Variants in WWC1 observed in about 807,000 individuals in gnomAD.
WWC1 encodes WW and C2 domain containing 1, also known as protein KIBRA.
Under a neutral mutation model 138.4 loss-of-function variants are expected in WWC1, and 55 were observed. The ratio of observed to expected loss-of-function variants is 0.40; its 90% CI spans 0.32 to 0.50. The LOEUF is 0.50. Ranked by LOEUF, WWC1 falls within the 20% of genes least tolerant of loss-of-function variation. The pLI is 0.72. For missense variants in WWC1, 1,226 were observed against 1,420.4 expected, an observed-to-expected ratio of 0.86 and a Z score of 2.20; for synonymous variants, 524 against 564.9, an observed-to-expected ratio of 0.93 and a Z score of 1.03.
chr5:168,379,478 C>A (rs1051137429), intron 2 of WWC1, among the ~76,000 whole-genome samples: 1 of 152,152 alleles, frequency 6.6e-6, no homozygotes, highest in Admixed American at 6.5e-5. Context: ...TGGCTCACTG[C>A]AACCTCTGCC....
At chr5:168,467,639 G>A (rs996991406) in intron 21 of WWC1, 14 of 721,398 alleles carry the variant, frequency 1.9e-5, no homozygotes, top group East Asian at 8.8e-5. Flanking sequence ...CAGTTATTCC[G>A]TTTCCTGGCC....
At chr5:168,365,154 C>T (rs1172173256) in intron 1 of WWC1, among the ~76,000 whole-genome samples, 1 of 152,166 alleles carries the variant, frequency 6.6e-6, no homozygotes, top group African/African-American at 2.4e-5. Flanking sequence ...GCAGCAGCCC[C>T]AGGTGAAGGA....
chr5:168,362,555 G>A (rs903088641), intron 1 of WWC1, among the ~76,000 whole-genome samples: 2 of 152,198 alleles, frequency 1.3e-5, no homozygotes, highest in Non-Finnish European at 2.9e-5. Context: ...TTAAAATATA[G>A]CACTGTAGTA....
chr5:168,364,072 A>G (rs530983408), intron 1 of WWC1, among the ~76,000 whole-genome samples: 1 of 152,126 alleles, frequency 6.6e-6, no homozygotes, highest in Non-Finnish European at 1.5e-5. Context: ...CAGTCCCGGC[A>G]CTAGATACTG....
chr5:168,434,880 C>T lies in WWC1; in HGVS notation c.2280+3436C>T, dbSNP rs143683387. ...TAGCCTGCTTCTCAGGCCCCACTGA[C>T]GTCCCATGGTTCACCATTACAACCG... On this transcript the variant is annotated intron_variant, in intron 15 of 22. Transcript: ENST00000265293. 4.6e-5 allele frequency among the ~76,000 whole-genome samples: 7 copies of T among 152,310 alleles called. No individual in the cohort carries two copies. In the East Asian group the frequency reaches 7.7e-4, roughly 17 times the overall value.
At chr5:168,436,390 T>A (rs1401962119) in intron 15 of WWC1, among the ~76,000 whole-genome samples, 2 of 152,044 alleles carry the variant, frequency 1.3e-5, no homozygotes, top group African/African-American at 4.8e-5. Context: ...TTCCCTGACC[T>A]CCCTATATCA....
At chr5:168,367,474 GGC>G (rs1296098326) in intron 1 of WWC1, among the ~76,000 whole-genome samples, 3 of 150,244 alleles carry the variant, frequency 2.0e-5, no homozygotes, top group Non-Finnish European at 4.4e-5. Context: ...TGGGACTACA[GGC>G]GCCCGCCACT....
At chr5:168,340,014 T>TCTCTTTCTCTC (rs1561631241) in intron 1 of WWC1, among the ~76,000 whole-genome samples, 1 of 39,556 alleles carries the variant, frequency 2.5e-5, no homozygotes, top group Non-Finnish European at 9.8e-5. Context: ...TCTTTCTTTC[T>TCTCTTTCTCTC]TTTCTTTCTT....
In WWC1 at chr5:168,449,871, G is replaced by A. The variant is rs542767080; in HGVS notation, c.2526-4097G>A. ...ATTACAGGCATGAGCCACCGCACCC[G>A]CCAACAGCTCTTTTATTTGTAGATA... On this transcript the variant is annotated intron_variant, in intron 17 of 22. Transcript: ENST00000265293. Among the ~76,000 whole-genome samples, 6 of 152,204 alleles carry A rather than the reference G, an allele frequency of 3.9e-5. No individual in the cohort carries two copies. In the South Asian group the frequency reaches 6.2e-4, roughly 16 times the overall value.
intron 9 of WWC1, among the ~76,000 whole-genome samples, chr5:168,420,401 C>G (rs1402591494): frequency 6.6e-6 from 1 of 152,134 alleles, no homozygotes; most frequent in East Asian, 1.9e-4. Flanking sequence ...TTAGAGTCTG[C>G]CCTACTGACC....
intron 15 of WWC1, among the ~76,000 whole-genome samples, chr5:168,434,337 TGGA>T (rs544482411): frequency 7.1e-4 from 105 of 147,912 alleles, no homozygotes; most frequent in Non-Finnish European, 8.9e-4. Flanking sequence ...TTCTGGTGGC[TGGA>T]GGAGGAGAGG....
intron 20 of WWC1, among the ~76,000 whole-genome samples, chr5:168,462,041 G>GT (rs1756861702): frequency 6.7e-6 from 1 of 149,900 alleles, no homozygotes; most frequent in African/African-American, 2.4e-5. Context: ...GGCAACAAGA[G>GT]TGAAACTACA....
intron 1 of WWC1, among the ~76,000 whole-genome samples, chr5:168,367,244 T>A (rs1221149475): frequency 6.6e-6 from 1 of 152,192 alleles, no homozygotes; most frequent in African/African-American, 2.4e-5. Flanking sequence ...GTCCCTCTTG[T>A]CTCATTTCAC....
intron 2 of WWC1, among the ~76,000 whole-genome samples, chr5:168,384,325 A>G (rs1777873576): frequency 6.6e-6 from 1 of 152,234 alleles, no homozygotes; most frequent in Non-Finnish European, 1.5e-5. Context: ...AGAATCAATG[A>G]CATGTGCTTG....
At chr5:168,368,597 T>G (rs1024231983) in intron 1 of WWC1, among the ~76,000 whole-genome samples, 2 of 152,198 alleles carry the variant, frequency 1.3e-5, no homozygotes, top group Non-Finnish European at 2.9e-5. Context: ...TGACCATGCC[T>G]GTTTCCCCAC....
intron 17 of WWC1, among the ~76,000 whole-genome samples, chr5:168,448,553 C>T (rs1416812573): frequency 6.6e-6 from 1 of 151,468 alleles, no homozygotes; most frequent in African/African-American, 2.4e-5. Context: ...AGTGGCATTG[C>T]TGGATCGCAG....
chr5:168,458,268 A>C (rs1374007595), intron 19 of WWC1, among the ~76,000 whole-genome samples: 1 of 152,208 alleles, frequency 6.6e-6, no homozygotes, highest in African/African-American at 2.4e-5. Flanking sequence ...TCAAAAACTC[A>C]AAGCACTGTG....
chr5:168,371,247 C>T (rs1304995203), intron 1 of WWC1, among the ~76,000 whole-genome samples, 177 bp from the exon 2 acceptor site: 1 of 152,216 alleles, frequency 6.6e-6, no homozygotes, highest in Non-Finnish European at 1.5e-5. Flanking sequence ...CCTGCTGCTG[C>T]AGCTATGTGT....
intron 1 of WWC1, among the ~76,000 whole-genome samples, chr5:168,354,865 TG>T (rs1775273250): frequency 6.6e-6 from 1 of 152,212 alleles, no homozygotes. Flanking sequence ...TCTGTATCCC[TG>T]GAAGTCTTTG....
Sources: gnomAD v4.1 joint callset for allele counts (sites outside exome capture counted in the v4.1 genomes callset) on GRCh38, gnomAD v4.1.1 for gene constraint, MANE v1.5 for transcripts, NCBI Gene and HGNC (gene_info 2026-07-23, HGNC 2026-07-21) for gene names.